The following CYP4F11 variants were observed in gnomAD, a reference collection of about 807,000 sequenced individuals.
CYP4F11 encodes the protein cytochrome P450 4F11.
CYP4F11 carries 79 observed loss-of-function variants against 62.2 expected under a neutral mutation model. The ratio of observed to expected loss-of-function variants is 1.27; its 90% CI spans 1.06 to 1.53. The LOEUF (loss-of-function observed/expected upper bound fraction) is 1.53, where lower values mean the gene tolerates loss of function less well. CYP4F11 is among the 40% of genes most tolerant of loss of function. The probability of loss-of-function intolerance (pLI) is 0.00; values close to 1 mark genes in which losing one functional copy is unlikely to be tolerated. For synonymous variants in CYP4F11, 290 were observed against 263.7 expected (o/e 1.10, Z -0.97); for missense variants, 777 against 680.5 (o/e 1.14, Z -1.58).
At chr19:15,934,632 G>C, upstream of CYP4F11, 2 of 507,796 alleles carry the variant, frequency 3.9e-6, no homozygotes, top group Non-Finnish European at 6.7e-6. Context: ...AGAGAGAGAG[G>C]CTGATTAGAA....
intron 6 of CYP4F11, 84 bp from the exon 7 acceptor site, chr19:15,922,514 A>G: frequency 2.1e-6 from 3 of 1,432,782 alleles, no homozygotes; most frequent in South Asian, 2.3e-5. Flanking sequence ...TAATTTCTGA[A>G]GATCCATCCT....
intron 8 of CYP4F11, among the ~76,000 whole-genome samples, chr19:15,915,585 G>A (rs930507962): frequency 6.6e-6 from 1 of 152,016 alleles, no homozygotes; most frequent in South Asian, 2.1e-4. Context: ...TTATTTTTAT[G>A]TATCTTTCTA....
At position 15,927,489 on chromosome 19, in the gene CYP4F11, A is replaced by C. The variant is rs780997028; in HGVS notation, c.344-6T>G. On this transcript the variant is annotated splice_polypyrimidine_tract_variant and splice_region_variant and intron_variant, in intron 2 of 11. Transcript: ENST00000402119. The stretch of plus-strand genomic sequence containing the variant: ...ATCCTTGGGTGCGACAGCAGCTGAC[A>C]TGATTGAGGACCATCAGTGGCCATG... 1.2e-6 allele frequency: 2 copies of C among 1,613,164 alleles called. No individual in the cohort carries two copies. Among genetic ancestry groups the C allele is most frequent in the Non-Finnish European group, 8.5e-7 (1 of 1,179,270 alleles).
Position 15,924,749 on chromosome 19 carries a change from G to GCC in CYP4F11, c.647+11_647+12insGG. On this transcript the variant is annotated intron_variant, in intron 5 of 11. Transcript: ENST00000402119. The stretch of plus-strand genomic sequence containing the variant: ...CCAGGCCCAAGTTCTCAGGTCCTAG[G>GCC]AAAGGACTCACTCCTGACAATTGCT... 1 of 1,607,122 alleles carries GCC rather than the reference G, an allele frequency of 6.2e-7. No individual in the cohort carries two copies. Among genetic ancestry groups the GCC allele is most frequent in the Non-Finnish European group, 8.5e-7 (1 of 1,175,558 alleles).
At chr19:15,918,355 G>C (rs143977703) in intron 8 of CYP4F11, among the ~76,000 whole-genome samples, 96 of 152,168 alleles carry the variant, frequency 6.3e-4, no homozygotes, top group African/African-American at 2.2e-3. Context: ...ATACCAAGGC[G>C]ATGGGTTGAT....
At position 15,912,394 on chromosome 19, in the gene CYP4F11, T is replaced by G. The variant is rs932632218; in HGVS notation, c.*1338A>C. ...GATCCAAATAAATATAGGCAACTTATATTTGATAAAGGTGCAAAGGCAATA... is the reference window on the plus strand; with the variant it reads ...GATCCAAATAAATATAGGCAACTTAGATTTGATAAAGGTGCAAAGGCAATA... On this transcript the variant is annotated 3_prime_UTR_variant, in exon 12 of 12. Transcript: ENST00000402119. 2 of 152,094 alleles carry G rather than the reference T, an allele frequency of 1.3e-5. No individual in the cohort carries two copies. Among genetic ancestry groups the G allele is most frequent in the Admixed American group, 6.5e-5 (1 of 15,280 alleles). 9.4% of individuals were successfully genotyped at this position (152,094 alleles called of 1,614,324 possible). A position where few individuals can be genotyped will look rare whatever the true frequency, so the allele number is the denominator to read the frequency against.
Position 15,934,339 on chromosome 19 carries a change from G to A in CYP4F11, c.70C>T (p.Leu24=), listed in dbSNP as rs760424966. ...GCCAGGAGCCAGGAGCCTCCAACCA[G>A]CAGCAGAAGCAGCCACGGGGATGCT... ...VAASPWLLLL[L]VGGSWLLARV... Residue 24 remains leucine (L), a synonymous_variant, in exon 1 of 12, where the codon CTG becomes TTG. Transcript: ENST00000402119. 1 of 1,613,418 alleles carries A rather than the reference G, an allele frequency of 6.2e-7. No individual in the cohort carries two copies. The highest frequency in any genetic ancestry group is 8.5e-7 in the Non-Finnish European group (1 of 1,179,652).
chr19:15,916,645 T>C (rs1453663327), intron 8 of CYP4F11, among the ~76,000 whole-genome samples: 1 of 151,938 alleles, frequency 6.6e-6, no homozygotes, highest in Non-Finnish European at 1.5e-5. Context: ...CAAAAGAAAA[T>C]GTACAAACGG....
At chr19:15,925,506 G>T (rs1414241958) in intron 4 of CYP4F11, among the ~76,000 whole-genome samples, 1 of 151,896 alleles carries the variant, frequency 6.6e-6, no homozygotes, top group Non-Finnish European at 1.5e-5. Context: ...TACACACTGG[G>T]TCCTGTCAGG....
In CYP4F11 at chr19:15,929,486, T is replaced by C; in HGVS notation, c.314A>G (p.Asp105Gly). The change falls in exon 2 of 12, where the codon GAC becomes GGC. Residue 105 changes from aspartate to glycine, a missense_variant. Physicochemically the swap from Asp to Gly is moderately conservative, Grantham distance 94. Transcript: ENST00000402119. Reference sequence around the variant, plus strand: ...GGCACTGGTGATAGGCCGGATAATGTCAGGGTGGCATAAAATGAGGAGGGG... The same window carrying C: ...GGCACTGGTGATAGGCCGGATAATGCCAGGGTGGCATAAAATGAGGAGGGG... ...TFPLLILCHP[D>G]IIRPITSASA... 1 of 1,613,990 alleles carries C rather than the reference T, an allele frequency of 6.2e-7. No individual in the cohort carries two copies. Among genetic ancestry groups the C allele is most frequent in the Non-Finnish European group, 8.5e-7 (1 of 1,179,976 alleles).
intron 7 of CYP4F11, 62 bp downstream of exon 7, chr19:15,922,302 C>G: frequency 6.2e-7 from 1 of 1,608,930 alleles, no homozygotes; most frequent in East Asian, 2.2e-5. Context: ...AGGGTCCACC[C>G]ACTACGTTCC....
chr19:15,914,913 C>G lies in CYP4F11; in HGVS notation c.1116-18G>C, dbSNP rs1268492065. On this transcript the variant is annotated intron_variant, in intron 8 of 11. Transcript: ENST00000402119. ...GGTCGTCCCTAAGAAAACACCCCAG[C>G]CCCAATCATTATCAAGGGAACAAAG... is the stretch of plus-strand genomic sequence containing the variant. 1.2e-6 allele frequency: 2 copies of G among 1,612,524 alleles called. No homozygotes were observed. Among genetic ancestry groups the G allele is most frequent in the Non-Finnish European group, 1.7e-6 (2 of 1,179,624 alleles).
chr19:15,920,982 CTCTT>C (rs2089621810), intron 8 of CYP4F11, among the ~76,000 whole-genome samples: 1 of 151,654 alleles, frequency 6.6e-6, no homozygotes, highest in African/African-American at 2.4e-5. Context: ...AGCCACTTCT[CTCTT>C]TCCCTCTTTT....
intron 6 of CYP4F11, among the ~76,000 whole-genome samples, chr19:15,923,482 G>T (rs2089645085): frequency 6.6e-6 from 1 of 152,152 alleles, no homozygotes; most frequent in African/African-American, 2.4e-5. Flanking sequence ...TGCTGCTATT[G>T]CTGTGAATGA....
Position 15,927,295 on chromosome 19 carries a change from G to T in CYP4F11, c.442C>A (p.Arg148Ser). Reference sequence around the variant, plus strand: ...TGGAAGGCAGGCGTCAACATCCGACGGTGGCGGCTCCACTTGTCACCACCA... The same window carrying T: ...TGGAAGGCAGGCGTCAACATCCGACTGTGGCGGCTCCACTTGTCACCACCA... ...LSGGDKWSRH[R>S]RMLTPAFHFN... Residue 148 changes from arginine (R) to serine (S), a missense_variant, in exon 4 of 12, where the codon CGT becomes AGT. Physicochemically the swap from Arg to Ser is moderately radical, Grantham distance 110. Transcript: ENST00000402119. The T allele has an allele frequency of 6.2e-7, 1 of 1,614,098 alleles. No individual in the cohort carries two copies. The highest frequency in any genetic ancestry group is 8.5e-7 in the Non-Finnish European group (1 of 1,180,024).
chr19:15,913,997 G>T, intron 11 of CYP4F11, 88 bp from the exon 12 acceptor site: 14 of 1,472,586 alleles, frequency 9.5e-6, no homozygotes, highest in Non-Finnish European at 1.3e-5. Context: ...GACCCCAAAC[G>T]CACCCACATA....
Position 15,934,314 on chromosome 19 carries a change from G to A in CYP4F11, c.95C>T (p.Ala32Val), listed in dbSNP as rs1429640720. ...LLLVGGSWLL[A>V]RVLAWTYTFY... ...GGTGTAGGTCCAGGCCAGGACGCGG[G>A]CCAGGAGCCAGGAGCCTCCAACCAG... The change falls in exon 1 of 12, where the codon GCC becomes GTC. Residue 32 changes from alanine (A) to valine (V), a missense_variant. By Grantham distance (64) the Ala-to-Val change is moderately conservative. Coordinates refer to ENST00000402119, the MANE Select transcript of CYP4F11 (RefSeq NM_021187.4). The A allele has an allele frequency of 1.9e-6, 3 of 1,613,028 alleles. No individual in the cohort carries two copies. The highest frequency in any genetic ancestry group is 2.5e-6 in the Non-Finnish European group (3 of 1,179,580).
rs1376084950 is a variant in CYP4F11 at position 15,934,380 on chromosome 19, C to A, written c.29G>T (p.Gly10Val). ...CGGGGATGCTGCCACGGGCCCGAGGCCCAGCCAGGACAGGCTCAGCTGCGG... is the reference window on the plus strand; with the variant it reads ...CGGGGATGCTGCCACGGGCCCGAGGACCAGCCAGGACAGGCTCAGCTGCGG... MPQLSLSWL[G>V]LGPVAASPWL... Residue 10 changes from glycine (G) to valine (V), a missense_variant, in exon 1 of 12, where the codon GGC (glycine) becomes GTC (valine). Transcript: ENST00000402119. 2.5e-6 allele frequency: 4 copies of A among 1,613,230 alleles called. No individual in the cohort carries two copies. Among genetic ancestry groups the A allele is most frequent in the Non-Finnish European group, 2.5e-6 (3 of 1,179,690 alleles).
Position 15,915,006 on chromosome 19 carries a change from T to G in CYP4F11, c.1116-111A>C, listed in dbSNP as rs553457482. 16 of 1,483,926 alleles carry G rather than the reference T, an allele frequency of 1.1e-5. No individual in the cohort carries two copies. In the South Asian group the frequency reaches 1.1e-4, roughly 10 times the overall value. The allele number at this position is 1,483,926 out of a possible 1,614,324, so 91.9% of individuals were successfully genotyped here. A position where few individuals can be genotyped will look rare whatever the true frequency, so the allele number is the denominator to read the frequency against. On this transcript the variant is annotated intron_variant, in intron 8 of 11. Coordinates refer to ENST00000402119, the MANE Select transcript of CYP4F11 (RefSeq NM_021187.4). Reference sequence around the variant, plus strand: ...TCCCTATCACAAAATAAATTCCACATGGATGAAATACTGGAGAATTTAAAA... The same window carrying G: ...TCCCTATCACAAAATAAATTCCACAGGGATGAAATACTGGAGAATTTAAAA...
Sources: gnomAD v4.1 joint callset for allele counts (sites outside exome capture counted in the v4.1 genomes callset) on GRCh38, gnomAD v4.1.1 for gene constraint, MANE v1.5 for transcripts, NCBI Gene and HGNC (gene_info 2026-07-23, HGNC 2026-07-21) for gene names.